APAF1: variants seen among roughly 807,000 people sequenced by gnomAD.
APAF1 encodes apoptotic peptidase activating factor 1.
In APAF1, 91 loss-of-function variants were observed where a neutral mutation model predicts 152.4. The ratio of observed to expected loss-of-function variants is 0.60; its 90% CI spans 0.50 to 0.71. The LOEUF (loss-of-function observed/expected upper bound fraction) is 0.71. APAF1 is among the 30% of genes least tolerant of loss of function. The pLI, the probability that APAF1 is intolerant of heterozygous loss-of-function variation, is 0.00. For missense variants in APAF1, 1,283 were observed against 1,472.0 expected, an observed-to-expected ratio of 0.87 and a Z score of 2.10; for synonymous variants, 484 against 494.1, an observed-to-expected ratio of 0.98 and a Z score of 0.27.
chr12:98,728,220 C>A (rs2097754079), intron 26 of APAF1, among the ~76,000 whole-genome samples: 1 of 152,148 alleles, frequency 6.6e-6, no homozygotes, highest in South Asian at 2.1e-4. Flanking sequence ...ATGTCATTCA[C>A]AATTAACTAT....
At chr12:98,730,304 T>C (rs1431425250) in intron 26 of APAF1, among the ~76,000 whole-genome samples, 3 of 152,040 alleles carry the variant, frequency 2.0e-5, no homozygotes, top group African/African-American at 7.3e-5. Flanking sequence ...TAGAGGAGAG[T>C]CATTGCTGTC....
chr12:98,690,401 T>C (rs1463736135), intron 16 of APAF1, among the ~76,000 whole-genome samples: 1 of 152,206 alleles, frequency 6.6e-6, no homozygotes, highest in East Asian at 1.9e-4. Context: ...TGGGAGGTTT[T>C]TCAGAATACC....
At chr12:98,702,114 G>A (rs956360511) in intron 17 of APAF1, among the ~76,000 whole-genome samples, 1 of 151,840 alleles carries the variant, frequency 6.6e-6, no homozygotes, top group African/African-American at 2.4e-5. Context: ...CGCCCAGGCT[G>A]GAGTGCAGTG....
At chr12:98,670,242 C>A (rs1246745725) in intron 10 of APAF1, among the ~76,000 whole-genome samples, 1 of 152,142 alleles carries the variant, frequency 6.6e-6, no homozygotes, top group East Asian at 1.9e-4. Context: ...CTGTGCTCAG[C>A]CCCAGCTAAT....
At chr12:98,649,790 TA>T (rs2153304633) in intron 4 of APAF1, 106 bp downstream of exon 4, 1 of 1,093,306 alleles carries the variant, frequency 9.1e-7, no homozygotes, top group East Asian at 2.6e-5. Context: ...AAGTATAAGG[TA>T]CAGAGTTAGA....
chr12:98,671,734 A>G lies in APAF1; in HGVS notation c.1793+15A>G. On this transcript the variant is annotated intron_variant, in intron 12 of 26. Transcript: ENST00000551964. Reference sequence around the variant, plus strand: ...CTGGAATGGATGTAAGTAGGTTAGGAGAGAAACCAAAGGGAGTGGTGCGCT... The same window carrying G: ...CTGGAATGGATGTAAGTAGGTTAGGGGAGAAACCAAAGGGAGTGGTGCGCT... 6.2e-7 allele frequency: 1 copy of G among 1,613,048 alleles called. No homozygotes were observed. Among genetic ancestry groups the G allele is most frequent in the South Asian group, 1.1e-5 (1 of 91,062 alleles).
intron 18 of APAF1, among the ~76,000 whole-genome samples, chr12:98,705,470 T>C (rs554247035): frequency 6.6e-6 from 1 of 152,324 alleles, no homozygotes; most frequent in Non-Finnish European, 1.5e-5. Flanking sequence ...AAATTTCATA[T>C]AATTAGTTCA....
chr12:98,684,313 A>T (rs1402121212), intron 15 of APAF1, among the ~76,000 whole-genome samples: 2 of 151,890 alleles, frequency 1.3e-5, no homozygotes, highest in Non-Finnish European at 2.9e-5. Flanking sequence ...TGTGTATAAG[A>T]GTTAAAGCTT....
At chr12:98,698,204 A>AT (rs1487044837) in intron 16 of APAF1, among the ~76,000 whole-genome samples, 3 of 152,136 alleles carry the variant, frequency 2.0e-5, no homozygotes, top group African/African-American at 4.8e-5. Context: ...GTTTTTTAAA[A>AT]TTTTTTTAAA....
In APAF1 at chr12:98,732,445, C is replaced by T; in HGVS notation, c.3626C>T (p.Ser1209Phe). Reference protein sequence around the residue: ...IKWWNVVTGESSQTFYTNGTN... With the variant: ...IKWWNVVTGEFSQTFYTNGTN... ...TGGTGGAACGTTGTCACTGGGGAAT[C>T]CTCACAGACCTTCTACACAAATGGA... The change falls in exon 27 of 27, where the codon TCC (serine) becomes TTC (phenylalanine). Residue 1209 changes from serine (S) to phenylalanine (F), a missense_variant. Ser to Phe is a radical substitution (Grantham distance 155). Coordinates refer to ENST00000551964, the MANE Select transcript of APAF1 (RefSeq NM_181861.2). 1 of 1,613,328 alleles carries T rather than the reference C, an allele frequency of 6.2e-7. No individual in the cohort carries two copies. The highest frequency in any genetic ancestry group is 8.5e-7 in the Non-Finnish European group (1 of 1,179,290).
At chr12:98,705,151 C>G (rs537196416) in intron 18 of APAF1, among the ~76,000 whole-genome samples, 145 of 152,026 alleles carry the variant, frequency 9.5e-4, no homozygotes, top group Non-Finnish European at 1.9e-3. Context: ...AGAAACAGTA[C>G]TAAGTAGCAA....
chr12:98,653,365 G>A lies in APAF1; in HGVS notation c.526+3681G>A, dbSNP rs542663001. On this transcript the variant is annotated intron_variant, in intron 4 of 26. Transcript: ENST00000551964. The stretch of plus-strand genomic sequence containing the variant: ...GGCATAAATTAAAGAATATTAAGTT[G>A]TTAACTTTTAGCTGGGTGTGGTGGC... Among the ~76,000 whole-genome samples, 386 of 151,932 alleles carry A rather than the reference G, an allele frequency of 2.5e-3. 1 individual carries two copies. The highest frequency in any genetic ancestry group is 6.8e-3 in the Middle Eastern group (2 of 294).
intron 22 of APAF1, among the ~76,000 whole-genome samples, chr12:98,717,456 A>G (rs1052062337): frequency 4.0e-5 from 6 of 151,086 alleles, no homozygotes; most frequent in Non-Finnish European, 7.4e-5. Context: ...GCTTGCTGCA[A>G]CCTCCGCCTC....
At position 98,657,450 on chromosome 12, in the gene APAF1, C is replaced by T. The variant is rs1343176170; in HGVS notation, c.527-1710C>T. On this transcript the variant is annotated intron_variant, in intron 4 of 26. Coordinates refer to ENST00000551964, the MANE Select transcript of APAF1 (RefSeq NM_181861.2). ...AAGGCTTCATCCAGACCATTGCTTA[C>T]GTCCTCTTTTCTGGGACTGATCCTT... 4.6e-5 allele frequency among the ~76,000 whole-genome samples: 7 copies of T among 152,214 alleles called. No homozygotes were observed. In the South Asian group the frequency reaches 6.2e-4, roughly 13 times the overall value.
At position 98,724,382 on chromosome 12, in the gene APAF1, A is replaced by G. The variant is rs1593116533; in HGVS notation, c.3330+618A>G. Reference sequence around the variant, plus strand: ...CTCTGGTCTGCACCTCTTCCACTTTATCTTCCATACCACTGCCTGTGTCCC... The same window carrying G: ...CTCTGGTCTGCACCTCTTCCACTTTGTCTTCCATACCACTGCCTGTGTCCC... On this transcript the variant is annotated intron_variant, in intron 24 of 26. Coordinates refer to ENST00000551964, the MANE Select transcript of APAF1 (RefSeq NM_181861.2). 2.0e-5 allele frequency among the ~76,000 whole-genome samples: 3 copies of G among 152,118 alleles called. No homozygotes were observed. The South Asian group carries it at 6.2e-4, about 32-fold the overall frequency.
At chr12:98,671,503 T>G in intron 11 of APAF1, 32 bp from the exon 12 acceptor site, 1 of 1,599,654 alleles carries the variant, frequency 6.3e-7, no homozygotes, top group South Asian at 1.1e-5. Flanking sequence ...TGGCTCTGAT[T>G]GTGTTTCTAA....
At chr12:98,716,316 C>T (rs923997557) in intron 22 of APAF1, among the ~76,000 whole-genome samples, 16 of 152,210 alleles carry the variant, frequency 1.1e-4, no homozygotes, top group East Asian at 1.9e-4. Context: ...TGCATGCACA[C>T]GTTCACAGAC....
At chr12:98,715,277 T>TG (rs1258186078) in intron 21 of APAF1, 150 bp from the exon 22 acceptor site, 17 of 298,414 alleles carry the variant, frequency 5.7e-5, no homozygotes, top group East Asian at 4.5e-4. Flanking sequence ...TATATATATA[T>TG]ATATGACATT....
intron 25 of APAF1, among the ~76,000 whole-genome samples, 153 bp from the exon 26 acceptor site, chr12:98,727,020 A>G (rs1348955681): frequency 6.6e-6 from 1 of 152,228 alleles, no homozygotes; most frequent in Non-Finnish European, 1.5e-5. Flanking sequence ...GCCACTGGAA[A>G]TAAATGGCAA....
Sources: allele counts gnomAD v4.1 joint callset (sites outside exome capture counted in the v4.1 genomes callset), GRCh38; gene constraint gnomAD v4.1.1; transcripts MANE v1.5; gene names NCBI Gene and HGNC (gene_info 2026-07-23, HGNC 2026-07-21).